Variants in PCDH9 observed in about 807,000 individuals in gnomAD.
PCDH9 encodes protocadherin 9.
In PCDH9, 24 loss-of-function variants were observed where a neutral mutation model predicts 70.6. That is an observed-to-expected ratio of 0.34 (90% CI 0.25 to 0.48). PCDH9 has a LOEUF of 0.48. PCDH9 is among the 20% of genes least tolerant of loss of function. The pLI, the probability that PCDH9 is intolerant of heterozygous loss-of-function variation, is 0.99. For synonymous variants in PCDH9, 562 were observed against 558.5 expected, an observed-to-expected ratio of 1.01 and a Z score of -0.09; for missense variants, 1,281 against 1,503.6, an observed-to-expected ratio of 0.85 and a Z score of 2.45.
chr13:66,823,428 A>G (rs1566218272), intron 3 of PCDH9, among the ~76,000 whole-genome samples: 1 of 151,684 alleles, frequency 6.6e-6, no homozygotes, highest in Non-Finnish European at 1.5e-5. Flanking sequence ...AAGATAAATT[A>G]TATTATAAAG....
At chr13:66,869,618 A>C (rs148829978) in intron 3 of PCDH9, among the ~76,000 whole-genome samples, 4 of 152,276 alleles carry the variant, frequency 2.6e-5, no homozygotes, top group African/African-American at 9.6e-5. Flanking sequence ...TGATGCAAAA[A>C]TCTGAGGACT....
At chr13:66,471,799 C>G (rs1958624404) in intron 4 of PCDH9, among the ~76,000 whole-genome samples, 1 of 152,136 alleles carries the variant, frequency 6.6e-6, no homozygotes, top group South Asian at 2.1e-4. Context: ...CTGCTAGTAT[C>G]AGAGAAGTAT....
chr13:67,056,403 G>A (rs774905232), intron 2 of PCDH9, among the ~76,000 whole-genome samples: 2 of 152,120 alleles, frequency 1.3e-5, no homozygotes, highest in Non-Finnish European at 2.9e-5. Context: ...CCAATAAGAT[G>A]CATAGTCAAT....
intron 4 of PCDH9, among the ~76,000 whole-genome samples, chr13:66,568,512 CAAAAAAA>C (rs34215376): frequency 9.2e-6 from 1 of 108,112 alleles, no homozygotes; most frequent in South Asian, 2.9e-4. Context: ...TGAGACTTTA[CAAAAAAA>C]AAAAAAAGAA....
chr13:66,367,862 G>T (rs1017348942), intron 4 of PCDH9, among the ~76,000 whole-genome samples: 1 of 152,054 alleles, frequency 6.6e-6, no homozygotes, highest in Admixed American at 6.6e-5. Context: ...ACTCTGTAAA[G>T]CTTATTAGAA....
chr13:67,037,462 T>C (rs2085033105), intron 2 of PCDH9, among the ~76,000 whole-genome samples: 1 of 152,136 alleles, frequency 6.6e-6, no homozygotes, highest in African/African-American at 2.4e-5. Context: ...TAAAGGATTT[T>C]TTGTTTGTTT....
intron 3 of PCDH9, among the ~76,000 whole-genome samples, chr13:66,831,635 C>T (rs1475407005): frequency 6.6e-6 from 1 of 152,054 alleles, no homozygotes; most frequent in Non-Finnish European, 1.5e-5. Flanking sequence ...TTTTCATAAA[C>T]AGAATTTCAT....
At chr13:66,932,857 G>A (rs930035575) in intron 2 of PCDH9, among the ~76,000 whole-genome samples, 1 of 150,966 alleles carries the variant, frequency 6.6e-6, no homozygotes, top group African/African-American at 2.4e-5. Context: ...CTTCTAGAAT[G>A]TTCAGCAATG....
At chr13:66,490,178 T>C (rs973437468) in intron 4 of PCDH9, among the ~76,000 whole-genome samples, 2 of 152,236 alleles carry the variant, frequency 1.3e-5, no homozygotes, top group African/African-American at 4.8e-5. Context: ...GAGAATATGC[T>C]GTATAAAAGG....
Position 66,761,884 on chromosome 13 carries a change from C to G in PCDH9, c.3139-130473G>C, listed in dbSNP as rs550055968. ...ATATACATCTTCATCTCTTTAGGAT[C>G]AGTTACTGATACTTTATTTTGTCCA... On this transcript the variant is annotated intron_variant, in intron 3 of 4. Transcript: ENST00000377865. 1.5e-3 allele frequency among the ~76,000 whole-genome samples: 222 copies of G among 151,254 alleles called. 3 individuals carry two copies. The highest frequency in any genetic ancestry group is 5.0e-3 in the African/African-American group (204 of 40,738).
Position 67,200,408 on chromosome 13 carries a change from T to G in PCDH9, c.3036+24997A>C, listed in dbSNP as rs2089180443. Among the ~76,000 whole-genome samples the G allele has an allele frequency of 2.0e-5, 3 of 152,200 alleles. No individual in the cohort carries two copies. In the South Asian group the frequency reaches 6.2e-4, roughly 32 times the overall value. ...GGTTTAATAAGGTGGTATTAAATAC[T>G]GTGGTGACTCATGATGGTATAGGGT... On this transcript the variant is annotated intron_variant, in intron 2 of 4. Transcript: ENST00000377865.
intron 2 of PCDH9, among the ~76,000 whole-genome samples, chr13:67,167,906 A>G (rs1008900566): frequency 6.6e-6 from 1 of 152,156 alleles, no homozygotes; most frequent in Admixed American, 6.5e-5. Context: ...ATAATCAGAA[A>G]CCATGTTTCC....
intron 2 of PCDH9, among the ~76,000 whole-genome samples, chr13:67,161,976 A>C (rs1052463687): frequency 9.2e-5 from 14 of 152,140 alleles, no homozygotes; most frequent in African/African-American, 3.4e-4. Context: ...GAAGGCCAAA[A>C]CTTATTAGCT....
chr13:66,467,880 G>T (rs756424806), intron 4 of PCDH9, among the ~76,000 whole-genome samples: 2 of 151,910 alleles, frequency 1.3e-5, no homozygotes, highest in Non-Finnish European at 2.9e-5. Flanking sequence ...CTCCAGTGAG[G>T]TTCCTTGCTC....
intron 3 of PCDH9, among the ~76,000 whole-genome samples, chr13:66,788,844 C>A (rs539211770): frequency 6.6e-6 from 1 of 152,140 alleles, no homozygotes; most frequent in Admixed American, 6.6e-5. Flanking sequence ...TCTTTCCCAG[C>A]AACACAGGAC....
intron 2 of PCDH9, among the ~76,000 whole-genome samples, chr13:67,186,392 T>G (rs2088760937): frequency 6.6e-6 from 1 of 152,152 alleles, no homozygotes; most frequent in Non-Finnish European, 1.5e-5. Context: ...AGCAAAATAA[T>G]TCATACTATA....
At chr13:66,473,013 A>T (rs1308538001) in intron 4 of PCDH9, among the ~76,000 whole-genome samples, 1 of 151,808 alleles carries the variant, frequency 6.6e-6, no homozygotes, top group Non-Finnish European at 1.5e-5. Context: ...TTCTTATATT[A>T]TATAAATTTT....
Position 66,794,333 on chromosome 13 carries a change from C to T in PCDH9, c.3138+109171G>A, listed in dbSNP as rs549541964. Among the ~76,000 whole-genome samples the T allele has an allele frequency of 3.3e-4, 50 of 152,082 alleles. 2 individuals carry two copies. Among genetic ancestry groups the T allele is most frequent in the South Asian group, 2.5e-3 (12 of 4,814 alleles). ...GGGAAGAAACATGGATGGGAAAGAT[C>T]CTAGAGTAATCTTTCCAATTAATAC... On this transcript the variant is annotated intron_variant, in intron 3 of 4. Transcript: ENST00000377865.
At chr13:66,552,633 G>A (rs1961535740) in intron 4 of PCDH9, among the ~76,000 whole-genome samples, 2 of 152,118 alleles carry the variant, frequency 1.3e-5, no homozygotes, top group South Asian at 2.1e-4. Flanking sequence ...CCAAGAACTG[G>A]ATACATGGAA....
Sources: allele counts gnomAD v4.1 joint callset (sites outside exome capture counted in the v4.1 genomes callset), GRCh38; gene constraint gnomAD v4.1.1; transcripts MANE v1.5; gene names NCBI Gene and HGNC (gene_info 2026-07-23, HGNC 2026-07-21).